The following SLC44A5 variants were observed in gnomAD, a reference collection of about 807,000 sequenced individuals.
SLC44A5 encodes the protein solute carrier family 44 member 5, also known as choline transporter-like protein 5.
A neutral mutation model predicts 101.8 loss-of-function variants in SLC44A5; 57 were observed. The ratio of observed to expected loss-of-function variants is 0.56; its 90% CI spans 0.45 to 0.70. SLC44A5 has a LOEUF of 0.70. Among genes scored for constraint, SLC44A5 ranks in the 30% least tolerant of loss-of-function variants. The pLI, the probability that SLC44A5 is intolerant of heterozygous loss-of-function variation, is 0.00. For synonymous variants in SLC44A5, 281 were observed against 290.9 expected, an observed-to-expected ratio of 0.97 and a Z score of 0.35; for missense variants, 737 against 853.1, an observed-to-expected ratio of 0.86 and a Z score of 1.70.
chr1:75,241,923 A>G, intron 9 of SLC44A5, 78 bp downstream of exon 9: 1 of 1,279,704 alleles, frequency 7.8e-7, no homozygotes, highest in South Asian at 1.2e-5. Flanking sequence ...CAGTCTCATC[A>G]ATTGTGAAAT....
chr1:75,396,479 A>G (rs1461132755), intron 3 of SLC44A5, 104 bp downstream of exon 3: 3 of 979,548 alleles, frequency 3.1e-6, no homozygotes, highest in Non-Finnish European at 4.7e-6. Context: ...TTCTTTACCA[A>G]ACAAATATTT....
upstream of SLC44A5, among the ~76,000 whole-genome samples, chr1:75,612,973 A>G (rs947696559): frequency 4.6e-5 from 7 of 152,156 alleles, no homozygotes; most frequent in African/African-American, 1.7e-4. Context: ...TGTCCTTTTG[A>G]TGAGATGTCA....
intron 2 of SLC44A5, among the ~76,000 whole-genome samples, chr1:75,493,282 G>A (rs113619317): frequency 1.8e-4 from 28 of 152,202 alleles, no homozygotes; most frequent in African/African-American, 5.5e-4. Flanking sequence ...CTTTGGTTGC[G>A]TCTGATGACT....
At chr1:75,714,833 C>A in the SLC44A5 span, among the ~76,000 whole-genome samples, 1 of 152,128 alleles carries the variant, frequency 6.6e-6, no homozygotes, top group African/African-American at 2.4e-5. Flanking sequence ...GCCACCACAC[C>A]CAGCTAATTT....
intron 9 of SLC44A5, among the ~76,000 whole-genome samples, chr1:75,239,794 T>G (rs1407590575): frequency 1.3e-5 from 2 of 152,086 alleles, no homozygotes; most frequent in Non-Finnish European, 2.9e-5. Context: ...TCATCCTGCT[T>G]AAACCCATTA....
At chr1:75,560,432 T>C (rs1297841281) in intron 1 of SLC44A5, among the ~76,000 whole-genome samples, 1 of 151,650 alleles carries the variant, frequency 6.6e-6, no homozygotes, top group African/African-American at 2.4e-5. Context: ...TGGCAGGAGG[T>C]TGGAGGAATG....
Position 75,307,323 on chromosome 1 carries a change from T to C in SLC44A5, c.102-6638A>G, listed in dbSNP as rs561690594. Among the ~76,000 whole-genome samples the C allele has an allele frequency of 5.9e-5, 9 of 152,286 alleles. No homozygotes were observed. In the East Asian group the frequency reaches 1.7e-3, roughly 30 times the overall value. On this transcript the variant is annotated intron_variant, in intron 4 of 23. Coordinates refer to ENST00000370859, the MANE Select transcript of SLC44A5 (RefSeq NM_001130058.2). ...GAAGCATTGGTCCTCTGTGGTTCTG[T>C]TGGCACCTGAATGATGCCATTCAGT... is the stretch of plus-strand genomic sequence containing the variant.
the SLC44A5 span, among the ~76,000 whole-genome samples, chr1:75,693,054 G>A: frequency 6.6e-6 from 1 of 152,262 alleles, no homozygotes; most frequent in Admixed American, 6.5e-5. Context: ...GGACATGAAG[G>A]GGTAAATAGA....
At chr1:75,573,366 A>C (rs1673189723) in intron 1 of SLC44A5, among the ~76,000 whole-genome samples, 3 of 151,974 alleles carry the variant, frequency 2.0e-5, no homozygotes, top group South Asian at 4.2e-4. Flanking sequence ...AGAAGTATAG[A>C]TATAACTGCC....
At chr1:75,203,946 T>TG in intron 23 of SLC44A5, 113 bp from the exon 24 acceptor site, 2 of 1,254,950 alleles carry the variant, frequency 1.6e-6, no homozygotes, top group South Asian at 4.0e-5. Context: ...TGTTGTTTTT[T>TG]TTTTGTTGTT....
chr1:75,472,374 A>G lies in SLC44A5; in HGVS notation c.13+69061T>C, dbSNP rs552032639. Among the ~76,000 whole-genome samples, 16 of 152,284 alleles carry G rather than the reference A, an allele frequency of 1.1e-4. No individual in the cohort carries two copies. In the East Asian group the frequency reaches 2.3e-3, roughly 22 times the overall value. On this transcript the variant is annotated intron_variant, in intron 2 of 23. Coordinates refer to ENST00000370859, the MANE Select transcript of SLC44A5 (RefSeq NM_001130058.2). ...ATGTGGTACCCATTCTGCAAAGTTA[A>G]TAACATCTTTGAGGGTTCATTAATC...
intron 2 of SLC44A5, among the ~76,000 whole-genome samples, chr1:75,477,745 G>A (rs1340476504): frequency 6.6e-6 from 1 of 152,152 alleles, no homozygotes; most frequent in Non-Finnish European, 1.5e-5. Flanking sequence ...AGAAATATGG[G>A]ACTATGTGAA....
At position 75,213,762 on chromosome 1, in the gene SLC44A5, T is replaced by C. The variant is rs905952655; in HGVS notation, c.1905A>G (p.Arg635=). 5.0e-6 allele frequency: 8 copies of C among 1,612,978 alleles called. No individual in the cohort carries two copies. The highest frequency in any genetic ancestry group is 6.8e-6 in the Non-Finnish European group (8 of 1,179,276). The stretch of plus-strand genomic sequence containing the variant: ...CTGGTCCTTGTGCAATCACTGGCAG[T>C]CTTTGTGTGAAGAATAGGAAGGCCA... ...GVLAFLFFTQ[R]LPVIAQGPAS... The change falls in exon 22 of 24, where the codon AGA becomes AGG. Residue 635 remains arginine, a synonymous_variant. Coordinates refer to ENST00000370859, the MANE Select transcript of SLC44A5 (RefSeq NM_001130058.2).
chr1:75,561,782 T>C (rs1570617783), intron 1 of SLC44A5, among the ~76,000 whole-genome samples: 1 of 152,300 alleles, frequency 6.6e-6, no homozygotes, highest in East Asian at 1.9e-4. Context: ...TGTTAAACTA[T>C]GGTTATTTTA....
intron 2 of SLC44A5, among the ~76,000 whole-genome samples, chr1:75,408,166 C>G (rs1008690660): frequency 6.6e-6 from 1 of 152,122 alleles, no homozygotes; most frequent in Non-Finnish European, 1.5e-5. Flanking sequence ...CAATGAGATA[C>G]CATTTCACAC....
chr1:75,345,695 G>C (rs1319575520), intron 3 of SLC44A5, among the ~76,000 whole-genome samples: 4 of 152,104 alleles, frequency 2.6e-5, no homozygotes, highest in African/African-American at 9.7e-5. Context: ...CTAGACAACA[G>C]CACATACTTA....
chr1:75,383,682 T>C (rs1285805446), intron 3 of SLC44A5, among the ~76,000 whole-genome samples: 2 of 151,950 alleles, frequency 1.3e-5, no homozygotes, highest in Non-Finnish European at 2.9e-5. Flanking sequence ...CAGGCCAACA[T>C]TCAGATTCAG....
chr1:75,592,050 A>T (rs1674385662), intron 1 of SLC44A5, among the ~76,000 whole-genome samples: 1 of 152,186 alleles, frequency 6.6e-6, no homozygotes, highest in Non-Finnish European at 1.5e-5. Flanking sequence ...CAAGAGAAAA[A>T]TATAAAGGGC....
intron 3 of SLC44A5, among the ~76,000 whole-genome samples, chr1:75,360,839 G>C (rs1274406853): frequency 6.6e-6 from 1 of 152,116 alleles, no homozygotes; most frequent in Non-Finnish European, 1.5e-5. Flanking sequence ...ATCTCTATTT[G>C]TGAAAAATGC....
Sources: gnomAD v4.1 joint callset for allele counts (sites outside exome capture counted in the v4.1 genomes callset) on GRCh38, gnomAD v4.1.1 for gene constraint, MANE v1.5 for transcripts, NCBI Gene and HGNC (gene_info 2026-07-23, HGNC 2026-07-21) for gene names.